MCAM: variants seen among roughly 807,000 people sequenced by gnomAD.
The protein encoded by MCAM is cell surface glycoprotein MUC18.
A neutral mutation model predicts 79.1 loss-of-function variants in MCAM; 55 were observed. The observed-to-expected ratio is 0.70, with a 90% CI of 0.56 to 0.87. The LOEUF is 0.87. Among genes scored for constraint, MCAM ranks in the 40% least tolerant of loss-of-function variants. The probability of loss-of-function intolerance (pLI) is 0.00; values close to 1 mark genes in which losing one functional copy is unlikely to be tolerated. For synonymous variants in MCAM, 330 were observed against 339.8 expected (o/e 0.97, Z 0.32); for missense variants, 745 against 839.8 (o/e 0.89, Z 1.40).
intron 14 of MCAM, 118 bp downstream of exon 14, chr11:119,310,638 G>A: frequency 1.7e-6 from 2 of 1,207,352 alleles, no homozygotes; most frequent in Non-Finnish European, 2.4e-6. Flanking sequence ...GGGTAGTGGA[G>A]CAGGCAGCAC....
At position 119,317,011 on chromosome 11, in the gene MCAM, C is replaced by T; in HGVS notation, c.67+24G>A. ...CCACCGCAGACCCCTAGCCGGGGCG[C>T]GGCCCCCCTGCGAGCGAACTCACCC... On this transcript the variant is annotated intron_variant, in intron 1 of 15. Coordinates refer to ENST00000264036, the MANE Select transcript of MCAM (RefSeq NM_006500.3). This position sits in a 1 kb window ranked among gnomAD's most constrained non-coding sequence, Gnocchi z 6.2. 2 of 1,523,966 alleles carry T rather than the reference C, an allele frequency of 1.3e-6. No homozygotes were observed. The highest frequency in any genetic ancestry group is 1.8e-6 in the Non-Finnish European group (2 of 1,139,240). 94.4% of individuals were successfully genotyped at this position (1,523,966 alleles called of 1,614,324 possible). A position where few individuals can be genotyped will look rare whatever the true frequency, so the allele number is the denominator to read the frequency against.
chr11:119,311,879 T>G lies in MCAM; in HGVS notation c.1214A>C (p.Tyr405Ser). ...GCTGGGCACAGACGCCACGCAGCGA[T>G]AGCCGCCTCCTGCCTCCCGTTTCAG... ...HDLKREAGGGYRCVASVPSIP... is the reference protein window; with the variant it reads ...HDLKREAGGGSRCVASVPSIP... The change falls in exon 10 of 16, where the codon TAT (tyrosine) becomes TCT (serine). Residue 405 changes from tyrosine (Y) to serine (S), a missense_variant. Tyr to Ser is a moderately radical substitution (Grantham distance 144). Transcript: ENST00000264036. The surrounding 1 kb of genome is among the most constrained non-coding windows in gnomAD (Gnocchi z 4.4). 6.2e-7 allele frequency: 1 copy of G among 1,614,088 alleles called. No individual in the cohort carries two copies. The highest frequency in any genetic ancestry group is 2.2e-5 in the East Asian group (1 of 44,866).
In MCAM at chr11:119,315,490, C is replaced by CTG. The variant is rs1382555745; in HGVS notation, c.68-229_68-228dup. ...GAGCCAAGCAGAGATTGAGCAGAGA[C>CTG]TGAGCACCGAACAGCTCCAGCTGAG... On this transcript the variant is annotated intron_variant, in intron 1 of 15. Transcript: ENST00000264036. The surrounding 1 kb of genome is among the most constrained non-coding windows in gnomAD (Gnocchi z 4.4). The CTG allele has an allele frequency of 3.5e-6, 2 of 569,470 alleles. No homozygotes were observed. Among genetic ancestry groups the CTG allele is most frequent in the Non-Finnish European group, 6.3e-6 (2 of 319,888 alleles). The allele number at this position is 569,470 out of a possible 1,614,324, so 35.3% of individuals were successfully genotyped here. A position where few individuals can be genotyped will look rare whatever the true frequency, so the allele number is the denominator to read the frequency against.
rs1235889459 is a variant in MCAM at position 119,308,909 on chromosome 11, G to C, written c.*977C>G. The stretch of plus-strand genomic sequence containing the variant: ...CTATGGGAGCCAAGTGAACACGGGG[G>C]ATTGAGGCTAATTCACCTGAACTCG... On this transcript the variant is annotated 3_prime_UTR_variant, in exon 16 of 16. Coordinates refer to ENST00000264036, the MANE Select transcript of MCAM (RefSeq NM_006500.3). 6.6e-6 allele frequency: 1 copy of C among 152,262 alleles called. No homozygotes were observed. Among genetic ancestry groups the C allele is most frequent in the South Asian group, 2.1e-4 (1 of 4,832 alleles). The allele number at this position is 152,262 out of a possible 1,614,324, so 9.4% of individuals were successfully genotyped here. A position where few individuals can be genotyped will look rare whatever the true frequency, so the allele number is the denominator to read the frequency against.
chr11:119,317,007 G>A lies in MCAM; in HGVS notation c.67+28C>T. 6.6e-7 allele frequency: 1 copy of A among 1,522,938 alleles called. No homozygotes were observed. Among genetic ancestry groups the A allele is most frequent in the South Asian group, 1.2e-5 (1 of 83,146 alleles). The allele number at this position is 1,522,938 out of a possible 1,614,324, so 94.3% of individuals were successfully genotyped here. A position where few individuals can be genotyped will look rare whatever the true frequency, so the allele number is the denominator to read the frequency against. ...CGCTCCACCGCAGACCCCTAGCCGGGGCGCGGCCCCCCTGCGAGCGAACTC... is the reference window on the plus strand; with the variant it reads ...CGCTCCACCGCAGACCCCTAGCCGGAGCGCGGCCCCCCTGCGAGCGAACTC... On this transcript the variant is annotated intron_variant, in intron 1 of 15. Coordinates refer to ENST00000264036, the MANE Select transcript of MCAM (RefSeq NM_006500.3). The surrounding 1 kb of genome is among the most constrained non-coding windows in gnomAD (Gnocchi z 6.2).
rs771005107 is a variant in MCAM at position 119,314,512 on chromosome 11, C to T, written c.536G>A (p.Arg179Gln). ...IPQVIWYKNG[R>Q]PLKEEKNRVH... ...ACGGTTCTTCTCCTCCTTCAGAGGC[C>T]GGCCATTCTTGTACCAGATGACTTG... The change falls in exon 5 of 16, where the codon CGG becomes CAG. Residue 179 changes from arginine to glutamine, a missense_variant. By Grantham distance (43) the Arg-to-Gln change is conservative (BLOSUM62 1). Coordinates refer to ENST00000264036, the MANE Select transcript of MCAM (RefSeq NM_006500.3). 14 of 1,613,704 alleles carry T rather than the reference C, an allele frequency of 8.7e-6. No individual in the cohort carries two copies. Among genetic ancestry groups the T allele is most frequent in the South Asian group, 5.5e-5 (5 of 91,070 alleles).
At position 119,311,734 on chromosome 11, in the gene MCAM, T is replaced by C; in HGVS notation, c.1285+74A>G. The C allele has an allele frequency of 1.2e-6, 2 of 1,607,484 alleles. No individual in the cohort carries two copies. Among genetic ancestry groups the C allele is most frequent in the Non-Finnish European group, 8.5e-7 (1 of 1,175,652 alleles). On this transcript the variant is annotated intron_variant, in intron 10 of 15. Coordinates refer to ENST00000264036, the MANE Select transcript of MCAM (RefSeq NM_006500.3). This position sits in a 1 kb window ranked among gnomAD's most constrained non-coding sequence, Gnocchi z 4.4. ...CACCAGAGCTCCCCAGGGCAGCAGG[T>C]GGCTTTTTGTCAAAGAGCTTAAAAA... is the stretch of plus-strand genomic sequence containing the variant.
In MCAM at chr11:119,312,376, A is replaced by G. The variant is rs1293567383; in HGVS notation, c.914T>C (p.Leu305Pro). ...TTCCTTCCGGGCAGGCTCCAGCACC[A>G]GGACCCCGTTGTCGTTGGTTGTCTC... ...EEETTNDNGV[L>P]VLEPARKEHS... The change falls in exon 8 of 16, where the codon CTG becomes CCG. Residue 305 changes from leucine to proline, a missense_variant. Leu to Pro is a moderately conservative substitution (Grantham distance 98, BLOSUM62 -3). Coordinates refer to ENST00000264036, the MANE Select transcript of MCAM (RefSeq NM_006500.3). The surrounding 1 kb of genome is among the most constrained non-coding windows in gnomAD (Gnocchi z 4.9). 2.5e-6 allele frequency: 4 copies of G among 1,613,966 alleles called. No homozygotes were observed. Among genetic ancestry groups the G allele is most frequent in the Non-Finnish European group, 3.4e-6 (4 of 1,180,008 alleles).
In MCAM at chr11:119,312,341, G is replaced by T. The variant is rs148555580; in HGVS notation, c.949C>A (p.Arg317Ser). ...LEPARKEHSG[R>S]YECQGLDLDT... ...AAGTCCAGGCCCTGACATTCATAGC[G>T]CCCACTGTGTTCCTTCCGGGCAGGC... is the stretch of plus-strand genomic sequence containing the variant. Residue 317 changes from arginine (R) to serine (S), a missense_variant, in exon 8 of 16, where the codon CGC becomes AGC. Coordinates refer to ENST00000264036, the MANE Select transcript of MCAM (RefSeq NM_006500.3). The surrounding 1 kb of genome is among the most constrained non-coding windows in gnomAD (Gnocchi z 4.9). 2.5e-6 allele frequency: 4 copies of T among 1,613,928 alleles called. No homozygotes were observed. The highest frequency in any genetic ancestry group is 1.7e-5 in the Admixed American group (1 of 59,996).
Position 119,308,865 on chromosome 11 carries a change from A to G in MCAM, c.*1021T>C, listed in dbSNP as rs1271218750. The stretch of plus-strand genomic sequence containing the variant: ...CTGCTCCCCGCTGCCTTTCAGTTTT[A>G]CGTGATCCATCAAGAGGGCTATGGG... On this transcript the variant is annotated 3_prime_UTR_variant, in exon 16 of 16. Coordinates refer to ENST00000264036, the MANE Select transcript of MCAM (RefSeq NM_006500.3). 6.6e-6 allele frequency: 1 copy of G among 152,184 alleles called. No individual in the cohort carries two copies. The highest frequency in any genetic ancestry group is 1.5e-5 in the Non-Finnish European group (1 of 68,042). The allele number at this position is 152,184 out of a possible 1,614,324, so 9.4% of individuals were successfully genotyped here. A position where few individuals can be genotyped will look rare whatever the true frequency, so the allele number is the denominator to read the frequency against.
At chr11:119,313,308 T>C in intron 5 of MCAM, 1 of 1,323,252 alleles carries the variant, frequency 7.6e-7, no homozygotes, top group African/African-American at 1.5e-5. Flanking sequence ...CTAAATAGAC[T>C]GACCCAGAAA....
In MCAM at chr11:119,316,957, G is replaced by A. The variant is rs970765044; in HGVS notation, c.67+78C>T. ...CCAGACGCAACGCCCCGACCCCGCC[G>A]CGCCGCTGGCTCTGCTCCCTGGCAC... On this transcript the variant is annotated intron_variant, in intron 1 of 15. Coordinates refer to ENST00000264036, the MANE Select transcript of MCAM (RefSeq NM_006500.3). The surrounding 1 kb of genome is among the most constrained non-coding windows in gnomAD (Gnocchi z 4.8). The A allele has an allele frequency of 2.3e-6, 3 of 1,305,170 alleles. No individual in the cohort carries two copies. The highest frequency in any genetic ancestry group is 2.9e-5 in the East Asian group (1 of 34,752). The allele number at this position is 1,305,170 out of a possible 1,614,324, so 80.8% of individuals were successfully genotyped here. A position where few individuals can be genotyped will look rare whatever the true frequency, so the allele number is the denominator to read the frequency against.
chr11:119,314,348 G>C, intron 5 of MCAM, 141 bp downstream of exon 5: 1 of 719,648 alleles, frequency 1.4e-6, no homozygotes, highest in Middle Eastern at 3.6e-4. Context: ...TAGAGACAGG[G>C]TCACCCTATG....
chr11:119,310,567 G>C (rs1950216997), intron 14 of MCAM, 101 bp from the exon 15 acceptor site: 7 of 1,092,742 alleles, frequency 6.4e-6, no homozygotes, highest in Non-Finnish European at 9.7e-6. Context: ...CCTTGCTCCA[G>C]GGCCAGCCCA....
chr11:119,308,935 A>G lies in MCAM; in HGVS notation c.*951T>C, dbSNP rs552360134. 6.6e-6 allele frequency: 1 copy of G among 152,342 alleles called. No homozygotes were observed. The highest frequency in any genetic ancestry group is 2.1e-4 in the South Asian group (1 of 4,830). 9.4% of individuals were successfully genotyped at this position (152,342 alleles called of 1,614,324 possible). ...ATTGAGGCTAATTCACCTGAACTCG[A>G]AAACAGCGCCCAGCTTCCTCACCGC... is the stretch of plus-strand genomic sequence containing the variant. On this transcript the variant is annotated 3_prime_UTR_variant, in exon 16 of 16. Transcript: ENST00000264036.
Position 119,314,570 on chromosome 11 carries a change from T to C in MCAM, c.478A>G (p.Thr160Ala). The C allele has an allele frequency of 1.2e-6, 2 of 1,613,810 alleles. No individual in the cohort carries two copies. The highest frequency in any genetic ancestry group is 1.7e-6 in the Non-Finnish European group (2 of 1,179,930). Residue 160 changes from threonine to alanine, a missense_variant, in exon 5 of 16, where the codon ACC (threonine) becomes GCC (alanine). Thr to Ala is a moderately conservative substitution (Grantham distance 58). Transcript: ENST00000264036. Reference sequence around the variant, plus strand: ...GGGTACCCGTTCCTCCCTACACAGGTAGCGACCTAAAGAGCACAGGGTGTG... The same window carrying C: ...GGGTACCCGTTCCTCCCTACACAGGCAGCGACCTAAAGAGCACAGGGTGTG... ...VNSKEPEEVA[T>A]CVGRNGYPIP...
At chr11:119,313,143 T>G in intron 5 of MCAM, 194 bp from the exon 6 acceptor site, 1 of 1,527,722 alleles carries the variant, frequency 6.5e-7, no homozygotes. Flanking sequence ...GAAAAACATT[T>G]TCATGTCTGC....
Position 119,314,842 on chromosome 11 carries a change from G to A in MCAM, c.391C>T (p.Arg131Cys). Residue 131 changes from arginine to cysteine, a missense_variant, in exon 3 of 16, where the codon CGC (arginine) becomes TGC (cysteine). By Grantham distance (180) the Arg-to-Cys change is radical. Coordinates refer to ENST00000264036, the MANE Select transcript of MCAM (RefSeq NM_006500.3). ...PRSQEYRIQL[R>C]VYKAPEEPNI... is the part of the protein sequence containing the mutation. ...ACACAGGGTCACGCACTGTAGACGC[G>A]GAGCTGGATGCGGTACTCCTGGGAC... 6.2e-7 allele frequency: 1 copy of A among 1,613,696 alleles called. No individual in the cohort carries two copies. Among genetic ancestry groups the A allele is most frequent in the Non-Finnish European group, 8.5e-7 (1 of 1,180,012 alleles).
At chr11:119,313,366 T>C in intron 5 of MCAM, 1 of 1,253,942 alleles carries the variant, frequency 8.0e-7, no homozygotes, top group Non-Finnish European at 1.0e-6. Flanking sequence ...ACACCACCAC[T>C]TAGACCAGGG....
Sources: allele counts gnomAD v4.1 joint callset, GRCh38; gene constraint gnomAD v4.1.1; non-coding constraint Gnocchi (gnomAD v3.1); transcripts MANE v1.5; gene names NCBI Gene and HGNC (gene_info 2026-07-23, HGNC 2026-07-21).